The following INSL6 variants were observed in gnomAD, a reference collection of about 807,000 sequenced individuals.
The protein encoded by INSL6 is insulin-like peptide INSL6.
A neutral mutation model predicts 9.4 loss-of-function variants in INSL6; 16 were observed. That is an observed-to-expected ratio of 1.70 (90% CI 1.15 to 2.59). The LOEUF (loss-of-function observed/expected upper bound fraction) is 2.59, where lower values mean the gene tolerates loss of function less well. Among genes scored for constraint, INSL6 ranks in the 30% most tolerant of loss-of-function variants. The pLI is 0.00. For synonymous variants in INSL6, 154 were observed against 96.9 expected (o/e 1.59, Z -3.46); for missense variants, 391 against 257.3 (o/e 1.52, Z -3.56).
downstream of INSL6, chr9:5,122,950 C>A: frequency 1.9e-6 from 2 of 1,079,268 alleles, no homozygotes; most frequent in South Asian, 1.6e-5. Flanking sequence ...CAGGTAAAAT[C>A]AAGAGTCCAC....
At chr9:5,074,618 T>C in the INSL6 span, among the ~76,000 whole-genome samples, 1 of 152,226 alleles carries the variant, frequency 6.6e-6, no homozygotes, top group African/African-American at 2.4e-5. Flanking sequence ...GCCATTCCTC[T>C]GTCTCTCTCC....
intron 2 of INSL6, among the ~76,000 whole-genome samples, chr9:5,146,884 T>C (rs549581780): frequency 1.5e-4 from 23 of 152,090 alleles, no homozygotes; most frequent in Non-Finnish European, 3.1e-4. Flanking sequence ...GCAAAAGCTA[T>C]GGTGTGGGCC....
At chr9:5,106,437 A>C in the INSL6 span, among the ~76,000 whole-genome samples, 1 of 152,244 alleles carries the variant, frequency 6.6e-6, no homozygotes, top group Non-Finnish European at 1.5e-5. Context: ...GAACACTTTC[A>C]CACTGTTGGT....
At chr9:5,111,689 GGCA>G in the INSL6 span, 1 of 427,300 alleles carries the variant, frequency 2.3e-6, no homozygotes, top group South Asian at 1.7e-5. Flanking sequence ...CAGTGGCGGA[GGCA>G]GCAGCACGTT....
the INSL6 span, chr9:5,108,783 T>G: frequency 6.6e-6 from 1 of 152,066 alleles, no homozygotes; most frequent in Non-Finnish European, 1.5e-5. Context: ...TATTGCCTAC[T>G]CCTCTGTAAG....
the INSL6 span, among the ~76,000 whole-genome samples, chr9:5,059,524 T>A: frequency 6.6e-6 from 1 of 152,174 alleles, no homozygotes; most frequent in Non-Finnish European, 1.5e-5. Context: ...CCATGAACAT[T>A]CTTATACATA....
intron 1 of INSL6, among the ~76,000 whole-genome samples, chr9:5,169,448 A>G (rs565147359): frequency 6.6e-6 from 1 of 152,368 alleles, no homozygotes; most frequent in East Asian, 1.9e-4. Context: ...CAGTGACACT[A>G]TGAAGCAACT....
chr9:5,027,785 C>T, the INSL6 span, among the ~76,000 whole-genome samples: 12 of 152,222 alleles, frequency 7.9e-5, no homozygotes, highest in Non-Finnish European at 1.8e-4. Flanking sequence ...AAACCACTTT[C>T]TTTGCTCATC....
At chr9:5,172,028 A>T (rs1246741804) in intron 1 of INSL6, among the ~76,000 whole-genome samples, 1 of 152,192 alleles carries the variant, frequency 6.6e-6, no homozygotes, top group Non-Finnish European at 1.5e-5. Flanking sequence ...CAGCCAAGAC[A>T]ATCCTAAGCA....
the INSL6 span, chr9:5,111,135 C>T: frequency 2.9e-6 from 3 of 1,030,892 alleles, no homozygotes; most frequent in Admixed American, 2.0e-5. Flanking sequence ...GCTGGACGTT[C>T]AGCGAAGGCG....
Position 5,158,155 on chromosome 9 carries a change from A to G in INSL6, c.376+6024T>C, listed in dbSNP as rs904035508. Reference sequence around the variant, plus strand: ...ATTTGAAAATACAGAGTCAGAGAAGACAAAAGAAAAATGAATTAAAAAAAT... The same window carrying G: ...ATTTGAAAATACAGAGTCAGAGAAGGCAAAAGAAAAATGAATTAAAAAAAT... On this transcript the variant is annotated intron_variant, in intron 2 of 3. Coordinates refer to the INSL6 transcript ENST00000649639. Among the ~76,000 whole-genome samples the G allele has an allele frequency of 3.3e-5, 5 of 152,266 alleles. No homozygotes were observed. The South Asian group carries it at 8.3e-4, about 25-fold the overall frequency.
chr9:5,008,501 C>G, the INSL6 span, among the ~76,000 whole-genome samples: 1 of 152,210 alleles, frequency 6.6e-6, no homozygotes, highest in East Asian at 1.9e-4. Flanking sequence ...AGTAAATGTT[C>G]TAAAGAAATA....
At chr9:5,081,255 T>A in the INSL6 span, among the ~76,000 whole-genome samples, 1 of 99,788 alleles carries the variant, frequency 1.0e-5, no homozygotes, top group African/African-American at 6.3e-5. Flanking sequence ...TTGTAAATTA[T>A]AGTATTTTTT....
At chr9:5,000,774 T>C in the INSL6 span, among the ~76,000 whole-genome samples, 2 of 152,214 alleles carry the variant, frequency 1.3e-5, no homozygotes, top group African/African-American at 4.8e-5. Flanking sequence ...TCTTGTTTGA[T>C]ATATTTGTAT....
intron 1 of INSL6, among the ~76,000 whole-genome samples, chr9:5,176,947 A>T (rs1054682402): frequency 5.3e-5 from 8 of 152,220 alleles, no homozygotes; most frequent in African/African-American, 9.6e-5. Flanking sequence ...AAAAGTATTA[A>T]GCATGAAATT....
the INSL6 span, chr9:5,098,377 A>G: frequency 6.6e-6 from 1 of 152,200 alleles, no homozygotes; most frequent in Non-Finnish European, 1.5e-5. Context: ...TCAAGACGCT[A>G]CATCCCCTAT....
the INSL6 span, among the ~76,000 whole-genome samples, chr9:5,046,335 A>G: frequency 1.3e-5 from 2 of 152,142 alleles, no homozygotes; most frequent in African/African-American, 4.8e-5. Flanking sequence ...TGATTTGTAG[A>G]TAGTTTTTCC....
intron 3 of INSL6, chr9:5,131,856 TAC>T (rs554921916): frequency 1.2e-3 from 185 of 152,328 alleles, no homozygotes; most frequent in African/African-American, 4.3e-3. Context: ...ACTTACTGAC[TAC>T]AGTTAAGAGG....
the INSL6 span, among the ~76,000 whole-genome samples, chr9:5,116,634 A>C: frequency 6.6e-6 from 1 of 152,232 alleles, no homozygotes; most frequent in Non-Finnish European, 1.5e-5. Context: ...AATGAATACA[A>C]GCTAATAAAT....
Sources: gnomAD v4.1 joint callset for allele counts (sites outside exome capture counted in the v4.1 genomes callset) on GRCh38, gnomAD v4.1.1 for gene constraint, MANE v1.5 for transcripts, NCBI Gene and HGNC (gene_info 2026-07-23, HGNC 2026-07-21) for gene names.